FAR2: variants seen among roughly 807,000 people sequenced by gnomAD.
FAR2 encodes epididymis secretory protein Li 81.
Under a neutral mutation model 56.0 loss-of-function variants are expected in FAR2, and 19 were observed. That is an observed-to-expected ratio of 0.34 (90% confidence interval 0.24 to 0.50). FAR2 has a LOEUF of 0.50. FAR2 is among the 20% of genes least tolerant of loss of function. The probability of loss-of-function intolerance (pLI) is 0.98; values close to 1 mark genes in which losing one functional copy is unlikely to be tolerated. For synonymous variants in FAR2, 219 were observed against 218.8 expected, an observed-to-expected ratio of 1.00 and a Z score of -0.01; for missense variants, 508 against 642.2, an observed-to-expected ratio of 0.79 and a Z score of 2.26.
intron 1 of FAR2, among the ~76,000 whole-genome samples, chr12:29,245,884 C>G (rs963075530): frequency 6.6e-6 from 1 of 152,114 alleles, no homozygotes; most frequent in Non-Finnish European, 1.5e-5. Flanking sequence ...TACCTTCTTG[C>G]ATTCCCACAT....
intron 1 of FAR2, among the ~76,000 whole-genome samples, chr12:29,256,112 TC>T (rs1198503560): frequency 6.6e-6 from 1 of 152,158 alleles, no homozygotes; most frequent in Non-Finnish European, 1.5e-5. Context: ...CCTCAGGTGA[TC>T]CACCCACCTC....
chr12:29,253,279 C>CTATCTA (rs1565489425), intron 1 of FAR2, among the ~76,000 whole-genome samples: 2 of 22,576 alleles, frequency 8.9e-5, no homozygotes, highest in African/African-American at 3.3e-4. Context: ...ATCTATATAT[C>CTATCTA]GATATCTATA....
chr12:29,157,109 TATATATATATA>T (rs1949734969), intron 1 of FAR2: 44 of 64,082 alleles, frequency 6.9e-4, no homozygotes, highest in African/African-American at 2.7e-3. Flanking sequence ...GAACATTTTA[TATATATATATA>T]TATATATATA....
At chr12:29,251,910 T>C (rs1276557840) in intron 1 of FAR2, among the ~76,000 whole-genome samples, 4 of 152,126 alleles carry the variant, frequency 2.6e-5, no homozygotes, top group Non-Finnish European at 5.9e-5. Context: ...TCACTCACTA[T>C]TTATTACCCC....
At chr12:29,269,835 C>T (rs1186748217) in intron 1 of FAR2, among the ~76,000 whole-genome samples, 1 of 152,304 alleles carries the variant, frequency 6.6e-6, no homozygotes, top group Non-Finnish European at 1.5e-5. Context: ...TTTTAAAAAA[C>T]CTGATAGCTG....
At chr12:29,211,615 T>C (rs1432891054) in intron 1 of FAR2, among the ~76,000 whole-genome samples, 1 of 152,114 alleles carries the variant, frequency 6.6e-6, no homozygotes, top group Non-Finnish European at 1.5e-5. Context: ...ACTGACCCTT[T>C]AAGTTACTGA....
chr12:29,216,230 G>A (rs761484376), intron 1 of FAR2, among the ~76,000 whole-genome samples: 2 of 152,160 alleles, frequency 1.3e-5, no homozygotes, highest in Non-Finnish European at 2.9e-5. Flanking sequence ...TTTCTTCAGG[G>A]AAGCCTTTTT....
At chr12:29,272,904 G>C (rs1948642353) in intron 2 of FAR2, among the ~76,000 whole-genome samples, 1 of 152,064 alleles carries the variant, frequency 6.6e-6, no homozygotes, top group African/African-American at 2.4e-5. Context: ...CTCTTCTGCA[G>C]GGCTGCTGCA....
At chr12:29,314,471 A>G (rs1278828272) in intron 8 of FAR2, among the ~76,000 whole-genome samples, 1 of 143,910 alleles carries the variant, frequency 6.9e-6, no homozygotes, top group Non-Finnish European at 1.5e-5. Flanking sequence ...AATAATAATT[A>G]TTCTATTCCA....
intron 2 of FAR2, among the ~76,000 whole-genome samples, chr12:29,279,557 C>CT (rs1948753911): frequency 6.6e-6 from 1 of 152,140 alleles, no homozygotes; most frequent in African/African-American, 2.4e-5. Flanking sequence ...ACAGACATGG[C>CT]TTTTTCTTGG....
intron 10 of FAR2, among the ~76,000 whole-genome samples, chr12:29,328,995 T>A (rs77131136): frequency 0.032 from 4,802 of 152,230 alleles, 101 homozygotes; most frequent in South Asian, 0.07. Context: ...CTGAGTGTGA[T>A]TCAAATCCAA....
intron 1 of FAR2, among the ~76,000 whole-genome samples, chr12:29,190,684 C>G (rs1950096114): frequency 6.6e-6 from 1 of 151,928 alleles, no homozygotes; most frequent in Non-Finnish European, 1.5e-5. Context: ...AGGATGGTCT[C>G]CATCTCCTGA....
chr12:29,239,381 G>T (rs574158498), intron 1 of FAR2, among the ~76,000 whole-genome samples: 3 of 151,824 alleles, frequency 2.0e-5, no homozygotes, highest in South Asian at 2.1e-4. Flanking sequence ...TCAAAGTCCT[G>T]TTTTTTTGTA....
chr12:29,182,008 T>C (rs1026088205), intron 1 of FAR2, among the ~76,000 whole-genome samples: 2 of 152,030 alleles, frequency 1.3e-5, no homozygotes, highest in Non-Finnish European at 2.9e-5. Flanking sequence ...CTTAGGAAAA[T>C]GTATGTGATT....
chr12:29,301,225 G>T (rs1170702489), intron 4 of FAR2, among the ~76,000 whole-genome samples: 2 of 152,160 alleles, frequency 1.3e-5, no homozygotes, highest in African/African-American at 4.8e-5. Flanking sequence ...CTTTTAATGA[G>T]TATGACAAGC....
chr12:29,256,798 G>A (rs942000159), intron 1 of FAR2, among the ~76,000 whole-genome samples: 3 of 152,256 alleles, frequency 2.0e-5, no homozygotes, highest in Non-Finnish European at 2.9e-5. Flanking sequence ...CAGCTGCCGA[G>A]GAGGGTGTAC....
chr12:29,256,585 C>T (rs1486069376), intron 1 of FAR2, among the ~76,000 whole-genome samples: 1 of 152,212 alleles, frequency 6.6e-6, no homozygotes, highest in African/African-American at 2.4e-5. Flanking sequence ...TGTGGGAGCC[C>T]CTTTCTGGGC....
chr12:29,326,329 A>G (rs1949645886), intron 10 of FAR2, among the ~76,000 whole-genome samples: 2 of 152,076 alleles, frequency 1.3e-5, no homozygotes, highest in Admixed American at 6.6e-5. Context: ...AGTTACGAGG[A>G]GGACCTGGTA....
chr12:29,295,748 T>C (rs113878257), intron 3 of FAR2, among the ~76,000 whole-genome samples: 5,974 of 145,856 alleles, frequency 0.041, 417 homozygotes, highest in African/African-American at 0.14. Flanking sequence ...CTAGTGATTT[T>C]TTACGTAATT....
Sources: allele counts gnomAD v4.1 joint callset (sites outside exome capture counted in the v4.1 genomes callset), GRCh38; gene constraint gnomAD v4.1.1; transcripts MANE v1.5; gene names NCBI Gene and HGNC (gene_info 2026-07-23, HGNC 2026-07-21).